PTRH1: variants seen among roughly 807,000 people sequenced by gnomAD.
The protein encoded by PTRH1 is peptidyl-tRNA hydrolase 1 homolog, also known as peptidyl-tRNA hydrolase.
Under a neutral mutation model 15.7 loss-of-function variants are expected in PTRH1, and 13 were observed. That is an observed-to-expected ratio of 0.83 (90% CI 0.54 to 1.31). PTRH1 has a LOEUF of 1.31. Among genes scored for constraint, PTRH1 ranks in the 40% most tolerant of loss-of-function variants. PTRH1 has a pLI of 0.00. For missense variants in PTRH1, 319 were observed against 296.2 expected (o/e 1.08, Z -0.56); for synonymous variants, 139 against 136.7 (o/e 1.02, Z -0.12).
intron 2 of PTRH1, 33 bp from the exon 3 acceptor site, chr9:127,714,735 G>A (rs923664202): frequency 9.7e-6 from 15 of 1,540,636 alleles, no homozygotes; most frequent in Non-Finnish European, 1.2e-5. Context: ...CCTGGTTACT[G>A]CCCATCTGCC....
exon 2 of PTRH1, chr9:127,695,053 TTGATGATGATGATGATGATGATGATGA>T: frequency 1.5e-6 from 1 of 671,456 alleles, no homozygotes; most frequent in Non-Finnish European, 2.7e-6. Context: ...GGCTCAGCCA[TTGATGATGATGATGATGATGATGATGA>T]TGATGATGAT....
At chr9:127,702,946 C>A (rs1419111996) in intron 1 of PTRH1, among the ~76,000 whole-genome samples, 4 of 150,780 alleles carry the variant, frequency 2.7e-5, no homozygotes, top group African/African-American at 9.8e-5. Context: ...GTCTCGAGCT[C>A]CTGACCTCAG....
chr9:127,707,093 G>A (rs1033416423), intron 1 of PTRH1: 4 of 1,613,798 alleles, frequency 2.5e-6, no homozygotes, highest in East Asian at 4.5e-5. Context: ...AAGAAAGGGG[G>A]CAAGAAGGAG....
chr9:127,707,323 C>A, intron 1 of PTRH1: 1 of 897,072 alleles, frequency 1.1e-6, no homozygotes, highest in Non-Finnish European at 1.6e-6. Context: ...AGACCCCATC[C>A]CGACCCCAGC....
Position 127,714,156 on chromosome 9 carries a change from C to T in PTRH1, c.589G>A (p.Asp197Asn), listed in dbSNP as rs781266875. 9 of 1,613,714 alleles carry T rather than the reference C, an allele frequency of 5.6e-6. No individual in the cohort carries two copies. Among genetic ancestry groups the T allele is most frequent in the African/African-American group, 5.3e-5 (4 of 74,926 alleles). ...TCACGGATGTGGTCCAAGATCAGGT[C>T]GGTGGCTCGATCCAGCAACAGAGGC... ...LLPLLLDRAT[D>N]LILDHIRERS... is the part of the protein sequence containing the mutation. Residue 197 changes from aspartate (D) to asparagine (N), a missense_variant, in exon 5 of 5, where the codon GAC becomes AAC. Asp to Asn is a conservative substitution (Grantham distance 23). Coordinates refer to ENST00000543175, the MANE Select transcript of PTRH1 (RefSeq NM_001002913.3).
In PTRH1 at chr9:127,704,094, C is replaced by T. The variant is rs898384078; in HGVS notation, c.206-8953G>A. ...CATAACACCCCAGGTAAAACTTCCA[C>T]GACACAGAGCTGGGGGGTTAGGGGG... On this transcript the variant is annotated intron_variant, in intron 1 of 2. Transcript: ENST00000335223. Among the ~76,000 whole-genome samples the T allele has an allele frequency of 4.6e-5, 7 of 152,340 alleles. No individual in the cohort carries two copies. The East Asian group carries it at 9.6e-4, about 21-fold the overall frequency.
downstream of PTRH1, chr9:127,712,222 T>C (rs1842782348): frequency 1.4e-5 from 22 of 1,613,694 alleles, no homozygotes; most frequent in South Asian, 2.2e-5. Flanking sequence ...CAGCTGAGCC[T>C]GCAGCTGGAG....
chr9:127,697,453 A>C (rs1842570350), intron 1 of PTRH1, among the ~76,000 whole-genome samples: 1 of 152,170 alleles, frequency 6.6e-6, no homozygotes, highest in Admixed American at 6.5e-5. Context: ...TGAGGTCAGG[A>C]GTTCAAGACC....
rs1170731500 is a variant in PTRH1 at position 127,713,931 on chromosome 9, G to A, written c.*169C>T. 6.2e-7 allele frequency: 1 copy of A among 1,606,422 alleles called. No homozygotes were observed. The highest frequency in any genetic ancestry group is 2.2e-5 in the East Asian group (1 of 44,856). ...GACACAGAGAGAAGAACCTACTCCA[G>A]AAATGGACTGGTCCAGTCACAGTCA... On this transcript the variant is annotated 3_prime_UTR_variant, in exon 5 of 5. Transcript: ENST00000543175.
intron 1 of PTRH1, among the ~76,000 whole-genome samples, chr9:127,708,425 C>G (rs1159633253): frequency 1.3e-5 from 2 of 151,984 alleles, no homozygotes; most frequent in African/African-American, 2.4e-5. Context: ...TGCAGAGAGC[C>G]GAGATCGTGC....
intron 1 of PTRH1, among the ~76,000 whole-genome samples, chr9:127,702,994 T>TACAGGTGTGAGCCACTGCACA (rs2131578737): frequency 6.6e-6 from 1 of 151,832 alleles, no homozygotes; most frequent in African/African-American, 2.4e-5. Flanking sequence ...GTGCTGGGAT[T>TACAGGTGTGAGCCACTGCACA]ACAGGTGTGA....
chr9:127,702,939 T>C (rs2131578716), intron 1 of PTRH1, among the ~76,000 whole-genome samples: 1 of 151,200 alleles, frequency 6.6e-6, no homozygotes, highest in Non-Finnish European at 1.5e-5. Context: ...CAGGCTGGTC[T>C]CGAGCTCCTG....
At chr9:127,709,711 TG>T, downstream of PTRH1, 2 of 1,607,152 alleles carry the variant, frequency 1.2e-6, no homozygotes, top group Non-Finnish European at 1.7e-6. This position sits in a 1 kb window ranked among gnomAD's most constrained non-coding sequence, Gnocchi z 4.7. Context: ...GGGGACTGGC[TG>T]GTGAGCCTGC....
chr9:127,709,806 G>T, downstream of PTRH1: 7 of 1,197,838 alleles, frequency 5.8e-6, no homozygotes, highest in Non-Finnish European at 8.1e-6. This position sits in a 1 kb window ranked among gnomAD's most constrained non-coding sequence, Gnocchi z 4.7. Context: ...GGCACACACT[G>T]TCTTCCTTAA....
chr9:127,700,734 AAAC>A (rs1165959455), intron 1 of PTRH1, among the ~76,000 whole-genome samples: 14 of 152,208 alleles, frequency 9.2e-5, no homozygotes, highest in African/African-American at 3.4e-4. Flanking sequence ...TCTAGCAGCT[AAAC>A]AAGTTCTAGA....
chr9:127,709,088 T>G (rs74378941), downstream of PTRH1, among the ~76,000 whole-genome samples: 2,140 of 152,338 alleles, frequency 0.014, 53 homozygotes, highest in African/African-American at 0.05. This position sits in a 1 kb window ranked among gnomAD's most constrained non-coding sequence, Gnocchi z 4.7. Context: ...ACCTACATTC[T>G]TATAGGTTGT....
At position 127,708,421 on chromosome 9, in the gene PTRH1, G is replaced by C. The variant is rs557704023; in HGVS notation, c.205+7014C>G. On this transcript the variant is annotated intron_variant, in intron 1 of 2. Coordinates refer to the PTRH1 transcript ENST00000335223. ...GAACCTGGGAGGCAGAGGTTGCAGA[G>C]AGCCGAGATCGTGCCACTGCACTCC... is the stretch of plus-strand genomic sequence containing the variant. 4.6e-5 allele frequency among the ~76,000 whole-genome samples: 7 copies of C among 152,270 alleles called. No homozygotes were observed. The South Asian group carries it at 1.4e-3, about 32-fold the overall frequency.
chr9:127,715,062 C>A lies in PTRH1; in HGVS notation c.229G>T (p.Ala77Ser), dbSNP rs761795513. Residue 77 changes from alanine to serine, a missense_variant, in exon 2 of 5, where the codon GCC (alanine) becomes TCC (serine). Ala to Ser is a moderately conservative substitution (Grantham distance 99). Coordinates refer to ENST00000543175, the MANE Select transcript of PTRH1 (RefSeq NM_001002913.3). The surrounding 1 kb of genome is among the most constrained non-coding windows in gnomAD (Gnocchi z 5.8). ...TRDRHCAADL[A>S]LAPLGDAQLV... ...TGGGCATCCCCCAGCGGGGCCAGGG[C>A]GAGGTCGGCGGCACAGTGCCGGTCG... 1.3e-6 allele frequency: 2 copies of A among 1,527,534 alleles called. No homozygotes were observed. Among genetic ancestry groups the A allele is most frequent in the Non-Finnish European group, 8.7e-7 (1 of 1,143,370 alleles). The allele number at this position is 1,527,534 out of a possible 1,614,324, so 94.6% of individuals were successfully genotyped here. A position where few individuals can be genotyped will look rare whatever the true frequency, so the allele number is the denominator to read the frequency against.
intron 3 of PTRH1, 29 bp downstream of exon 3, chr9:127,714,574 T>TC: frequency 6.2e-7 from 1 of 1,608,494 alleles, no homozygotes; most frequent in Non-Finnish European, 8.5e-7. Context: ...TGAAGCCCTA[T>TC]CCCAACCCTG....
Sources: gnomAD v4.1 joint callset for allele counts (sites outside exome capture counted in the v4.1 genomes callset) on GRCh38, gnomAD v4.1.1 for gene constraint, Gnocchi (gnomAD v3.1) non-coding constraint, MANE v1.5 for transcripts, NCBI Gene and HGNC (gene_info 2026-07-23, HGNC 2026-07-21) for gene names.